The following NAALADL2 variants were observed in gnomAD, a reference collection of about 807,000 sequenced individuals.
NAALADL2 encodes inactive N-acetylated-alpha-linked acidic dipeptidase-like protein 2.
In NAALADL2, 76 loss-of-function variants were observed where a neutral mutation model predicts 87.2. That is an observed-to-expected ratio of 0.87 (90% CI 0.72 to 1.05). NAALADL2 has a LOEUF of 1.05. Ranked by LOEUF, NAALADL2 falls within the 50% of genes least tolerant of loss-of-function variation. NAALADL2 has a pLI of 0.00. For synonymous variants in NAALADL2, 354 were observed against 331.0 expected, an observed-to-expected ratio of 1.07 and a Z score of -0.75; for missense variants, 1,089 against 945.8, an observed-to-expected ratio of 1.15 and a Z score of -1.99.
chr3:174,899,510 A>C (rs994169507), intron 1 of NAALADL2, among the ~76,000 whole-genome samples: 3 of 152,146 alleles, frequency 2.0e-5, no homozygotes, highest in African/African-American at 7.2e-5. Flanking sequence ...GCACCTCCAC[A>C]GTCTCTCTCT....
At chr3:175,683,384 G>C (rs1198085034) in intron 11 of NAALADL2, among the ~76,000 whole-genome samples, 1 of 151,876 alleles carries the variant, frequency 6.6e-6, no homozygotes, top group Non-Finnish European at 1.5e-5. Flanking sequence ...TGAGGTGTAG[G>C]ACATAGTCAT....
At chr3:175,193,953 A>G (rs1240508194) in intron 2 of NAALADL2, among the ~76,000 whole-genome samples, 1 of 151,898 alleles carries the variant, frequency 6.6e-6, no homozygotes, top group Non-Finnish European at 1.5e-5. Context: ...AAAATAGATA[A>G]TTTGTGTGCA....
intron 2 of NAALADL2, among the ~76,000 whole-genome samples, chr3:174,582,296 G>T (rs1017923693): frequency 6.6e-6 from 1 of 152,288 alleles, no homozygotes; most frequent in East Asian, 1.9e-4. Flanking sequence ...GAAATCAATA[G>T]CATGAATTAG....
At chr3:174,604,419 T>G (rs1417357132) in intron 2 of NAALADL2, among the ~76,000 whole-genome samples, 1 of 152,174 alleles carries the variant, frequency 6.6e-6, no homozygotes, top group Admixed American at 6.5e-5. Context: ...ATGGAATATC[T>G]TTTTCCATCC....
At chr3:175,137,410 C>T (rs1055369872) in intron 2 of NAALADL2, among the ~76,000 whole-genome samples, 2 of 152,046 alleles carry the variant, frequency 1.3e-5, no homozygotes, top group African/African-American at 2.4e-5. Flanking sequence ...TTTATAATGG[C>T]TGCATGCTAT....
chr3:174,483,998 C>T (rs1362257131), intron 1 of NAALADL2, among the ~76,000 whole-genome samples: 1 of 152,054 alleles, frequency 6.6e-6, no homozygotes, highest in Non-Finnish European at 1.5e-5. Context: ...GAACAGGCTA[C>T]AGATGTTTGG....
At chr3:175,256,079 A>G (rs1195370837) in intron 3 of NAALADL2, among the ~76,000 whole-genome samples, 1 of 152,220 alleles carries the variant, frequency 6.6e-6, no homozygotes, top group African/African-American at 2.4e-5. Flanking sequence ...TAATCTTTCA[A>G]TGTTTTGTAA....
intron 1 of NAALADL2, among the ~76,000 whole-genome samples, chr3:174,963,747 A>T (rs1015993356): frequency 5.3e-5 from 8 of 152,190 alleles, no homozygotes; most frequent in Non-Finnish European, 1.0e-4. Context: ...ACTGAAAAAG[A>T]CAGCTTAAAA....
chr3:174,890,411 T>C (rs1187227613), intron 1 of NAALADL2, among the ~76,000 whole-genome samples: 2 of 152,140 alleles, frequency 1.3e-5, no homozygotes, highest in Non-Finnish European at 2.9e-5. Flanking sequence ...CAAAGACATG[T>C]AAATAATAGT....
chr3:174,994,056 T>C (rs913396561), intron 1 of NAALADL2, among the ~76,000 whole-genome samples: 4 of 152,214 alleles, frequency 2.6e-5, no homozygotes, highest in Non-Finnish European at 5.9e-5. Context: ...CTTGCTTGCA[T>C]CTGCAAAGAC....
intron 2 of NAALADL2, among the ~76,000 whole-genome samples, chr3:175,194,614 C>A (rs769352181): frequency 5.3e-5 from 8 of 151,792 alleles, no homozygotes; most frequent in Non-Finnish European, 8.9e-5. Context: ...ATTGGGTCAA[C>A]TTTTATAGAG....
At chr3:175,160,936 A>G (rs948705119) in intron 2 of NAALADL2, among the ~76,000 whole-genome samples, 2 of 152,218 alleles carry the variant, frequency 1.3e-5, no homozygotes, top group East Asian at 1.9e-4. Context: ...TTGTATTTGT[A>G]TATTTAAGAA....
chr3:174,470,227 A>T (rs1004776706), intron 1 of NAALADL2, among the ~76,000 whole-genome samples: 19 of 152,012 alleles, frequency 1.2e-4, no homozygotes, highest in African/African-American at 4.6e-4. Context: ...TGTGGGTTTG[A>T]TTTGCATCTC....
At chr3:174,990,181 T>A (rs2108706222) in intron 1 of NAALADL2, among the ~76,000 whole-genome samples, 1 of 152,290 alleles carries the variant, frequency 6.6e-6, no homozygotes, top group East Asian at 1.9e-4. Flanking sequence ...CTCCATTAGA[T>A]CCTCATACCC....
At chr3:174,973,705 T>C (rs1305246018) in intron 1 of NAALADL2, among the ~76,000 whole-genome samples, 1 of 152,218 alleles carries the variant, frequency 6.6e-6, no homozygotes, top group Non-Finnish European at 1.5e-5. Flanking sequence ...GTATGCGGTA[T>C]AGCCTGTTCC....
At chr3:174,557,438 C>T (rs922798243) in intron 2 of NAALADL2, among the ~76,000 whole-genome samples, 2 of 152,010 alleles carry the variant, frequency 1.3e-5, no homozygotes, top group African/African-American at 2.4e-5. Context: ...TTATTAATAT[C>T]ATAAATATCT....
chr3:175,628,115 A>G (rs1727245930), intron 11 of NAALADL2, among the ~76,000 whole-genome samples: 1 of 151,718 alleles, frequency 6.6e-6, no homozygotes, highest in African/African-American at 2.4e-5. Flanking sequence ...ATGGTGGTTC[A>G]AAAACACTAC....
chr3:175,143,723 G>A (rs1046040967), intron 2 of NAALADL2, among the ~76,000 whole-genome samples: 10 of 151,846 alleles, frequency 6.6e-5, no homozygotes, highest in Non-Finnish European at 1.2e-4. Context: ...CTGGCACATG[G>A]AAGGCACTCC....
At position 174,650,110 on chromosome 3, in the gene NAALADL2, C is replaced by T. The variant is rs145698392; in HGVS notation, c.-114-87531C>T. ...TTAAACAAATTTATTTTTTATTCATCATGTGCAATAAACTTTACCTTCAGA... is the reference window on the plus strand; with the variant it reads ...TTAAACAAATTTATTTTTTATTCATTATGTGCAATAAACTTTACCTTCAGA... On this transcript the variant is annotated intron_variant, in intron 2 of 3. Coordinates refer to the NAALADL2 transcript ENST00000434257. 5.2e-3 allele frequency among the ~76,000 whole-genome samples: 795 copies of T among 152,112 alleles called. 9 individuals are homozygous for T. Among genetic ancestry groups the T allele is most frequent in the African/African-American group, 0.017 (704 of 41,526 alleles).
Sources: gnomAD v4.1 joint callset for allele counts (sites outside exome capture counted in the v4.1 genomes callset) on GRCh38, gnomAD v4.1.1 for gene constraint, MANE v1.5 for transcripts, NCBI Gene and HGNC (gene_info 2026-07-23, HGNC 2026-07-21) for gene names.